Variants in LINGO2 observed in about 807,000 individuals in gnomAD.
The protein encoded by LINGO2 is leucine rich repeat and Ig domain containing 2.
LINGO2 carries 14 observed loss-of-function variants against 30.6 expected under a neutral mutation model. The observed-to-expected ratio is 0.46, with a 90% confidence interval of 0.30 to 0.72. The LOEUF is 0.72. Among genes scored for constraint, LINGO2 ranks in the 30% least tolerant of loss-of-function variants. The pLI, the probability that LINGO2 is intolerant of heterozygous loss-of-function variation, is 0.07. For synonymous variants in LINGO2, 317 were observed against 288.5 expected (o/e 1.10, Z -1.00); for missense variants, 729 against 751.7 (o/e 0.97, Z 0.35).
chr9:28,236,888 T>G (rs1157680076), intron 4 of LINGO2, among the ~76,000 whole-genome samples: 1 of 151,886 alleles, frequency 6.6e-6, no homozygotes, highest in African/African-American at 2.4e-5. Context: ...TAACTAAGAG[T>G]ATAACTGGAT....
the LINGO2 span, among the ~76,000 whole-genome samples, chr9:28,862,921 G>T: frequency 6.6e-6 from 1 of 152,058 alleles, no homozygotes; most frequent in Admixed American, 6.6e-5. Flanking sequence ...TGACCACAAA[G>T]TTCCATTTAT....
chr9:28,702,368 T>C, the LINGO2 span, among the ~76,000 whole-genome samples: 1 of 151,900 alleles, frequency 6.6e-6, no homozygotes, highest in Non-Finnish European at 1.5e-5. Context: ...TCTTCCTATA[T>C]CTATTGATAC....
chr9:28,113,330 G>C (rs1346847679), intron 4 of LINGO2, among the ~76,000 whole-genome samples: 1 of 87,778 alleles, frequency 1.1e-5, no homozygotes, highest in African/African-American at 4.6e-5. Context: ...AGTATAGTTT[G>C]AAGTCAGGTA....
At chr9:29,076,655 C>A in the LINGO2 span, among the ~76,000 whole-genome samples, 4 of 147,558 alleles carry the variant, frequency 2.7e-5, no homozygotes, top group East Asian at 2.0e-4. Context: ...AAAATAAATT[C>A]AGAAAGATGT....
intron 4 of LINGO2, among the ~76,000 whole-genome samples, chr9:28,074,424 C>T (rs1315587819): frequency 6.6e-6 from 1 of 152,094 alleles, no homozygotes; most frequent in Non-Finnish European, 1.5e-5. Context: ...ATTCTGCAGA[C>T]CTTTATTGGA....
At chr9:28,584,807 G>T (rs1824450038) in intron 1 of LINGO2, among the ~76,000 whole-genome samples, 1 of 151,974 alleles carries the variant, frequency 6.6e-6, no homozygotes, top group Non-Finnish European at 1.5e-5. Flanking sequence ...CTATTATTTT[G>T]TCACTAAGTT....
the LINGO2 span, among the ~76,000 whole-genome samples, chr9:28,848,022 CAT>C: frequency 1.2e-4 from 4 of 33,692 alleles, 1 homozygote; most frequent in Non-Finnish European, 1.7e-4. Context: ...TATATACACA[CAT>C]ATAGACACAC....
At chr9:29,212,364 G>T in the LINGO2 span, among the ~76,000 whole-genome samples, 1 of 151,984 alleles carries the variant, frequency 6.6e-6, no homozygotes, top group East Asian at 1.9e-4. Context: ...AGCCTCTAGC[G>T]GAGGCGAAGG....
intron 4 of LINGO2, among the ~76,000 whole-genome samples, chr9:28,137,617 G>A: frequency 6.6e-6 from 1 of 151,634 alleles, no homozygotes; most frequent in East Asian, 1.9e-4. Context: ...TTTTCTTACT[G>A]GAATTTTTTA....
the LINGO2 span, among the ~76,000 whole-genome samples, chr9:28,909,966 A>G: frequency 6.6e-6 from 1 of 152,110 alleles, no homozygotes; most frequent in Non-Finnish European, 1.5e-5. Context: ...AAAGAATAAT[A>G]TAAACCAGAA....
the LINGO2 span, among the ~76,000 whole-genome samples, chr9:28,799,730 G>A: frequency 6.6e-6 from 1 of 152,104 alleles, no homozygotes; most frequent in African/African-American, 2.4e-5. Flanking sequence ...GTTATGAGAA[G>A]TATAAGTGAG....
intron 2 of LINGO2, among the ~76,000 whole-genome samples, chr9:28,393,799 G>T (rs1008616367): frequency 3.3e-5 from 5 of 152,108 alleles, no homozygotes; most frequent in African/African-American, 1.2e-4. Flanking sequence ...CAGGTCAAAG[G>T]TGCCAGGGAA....
At chr9:28,769,434 T>C in the LINGO2 span, among the ~76,000 whole-genome samples, 1 of 129,872 alleles carries the variant, frequency 7.7e-6, no homozygotes, top group East Asian at 2.3e-4. Flanking sequence ...CTGATGACCA[T>C]TTAATTTTCC....
intron 4 of LINGO2, among the ~76,000 whole-genome samples, chr9:28,206,649 G>A (rs1373873416): frequency 6.6e-6 from 1 of 152,074 alleles, no homozygotes; most frequent in African/African-American, 2.4e-5. Flanking sequence ...TATTTCCATA[G>A]ATAGATAAAA....
chr9:28,174,934 G>C (rs1483104681), intron 4 of LINGO2, among the ~76,000 whole-genome samples: 5 of 151,494 alleles, frequency 3.3e-5, no homozygotes, highest in African/African-American at 9.7e-5. Context: ...GAGAGAGAGA[G>C]AGAGAGAGAG....
chr9:27,967,808 T>TA (rs1820171494), intron 5 of LINGO2, among the ~76,000 whole-genome samples: 1 of 152,168 alleles, frequency 6.6e-6, no homozygotes, highest in East Asian at 1.9e-4. Flanking sequence ...TACAGCTGCA[T>TA]CTAAAATTCC....
intron 1 of LINGO2, among the ~76,000 whole-genome samples, chr9:28,598,421 A>AC (rs1825297099): frequency 1.5e-5 from 2 of 136,954 alleles, no homozygotes; most frequent in Admixed American, 1.6e-4. Context: ...TCCATATCAA[A>AC]AAAAAAAAAA....
chr9:28,432,246 T>C (rs1285348733), intron 2 of LINGO2, among the ~76,000 whole-genome samples: 2 of 152,004 alleles, frequency 1.3e-5, no homozygotes, highest in Non-Finnish European at 2.9e-5. Flanking sequence ...TTGGGGGAGA[T>C]AGTTTAGTTA....
intron 4 of LINGO2, among the ~76,000 whole-genome samples, chr9:28,275,874 G>A (rs1335187292): frequency 6.6e-6 from 1 of 152,140 alleles, no homozygotes. Flanking sequence ...ACCTGATCCT[G>A]TTGTGATCAG....
Sources: gnomAD v4.1 joint callset for allele counts (sites outside exome capture counted in the v4.1 genomes callset) on GRCh38, gnomAD v4.1.1 for gene constraint, MANE v1.5 for transcripts, NCBI Gene and HGNC (gene_info 2026-07-23, HGNC 2026-07-21) for gene names.